ZFAND6: variants seen among roughly 807,000 people sequenced by gnomAD.
ZFAND6 encodes the protein zinc finger AN1-type containing 6, also known as AN1-type zinc finger protein 6.
A neutral mutation model predicts 24.5 loss-of-function variants in ZFAND6; 12 were observed. That is an observed-to-expected ratio of 0.49 (90% confidence interval 0.31 to 0.79). The LOEUF is 0.79. Among genes scored for constraint, ZFAND6 ranks in the 30% least tolerant of loss-of-function variants. The pLI is 0.04. For synonymous variants in ZFAND6, 92 were observed against 81.5 expected (o/e 1.13, Z -0.69); for missense variants, 207 against 245.9 (o/e 0.84, Z 1.06).
At chr15:80,080,722 C>T (rs1434090115) in intron 1 of ZFAND6, among the ~76,000 whole-genome samples, 1 of 152,192 alleles carries the variant, frequency 6.6e-6, no homozygotes, top group African/African-American at 2.4e-5. Context: ...GGAGACATGG[C>T]ACCAGAGATC....
intron 2 of ZFAND6, among the ~76,000 whole-genome samples, chr15:80,115,347 A>G (rs2039824335): frequency 1.3e-5 from 2 of 152,166 alleles, no homozygotes; most frequent in African/African-American, 4.8e-5. Context: ...TTATTATACC[A>G]TGCTAATCAT....
At chr15:80,079,065 A>G (rs1389101344) in intron 1 of ZFAND6, among the ~76,000 whole-genome samples, 10 of 140,042 alleles carry the variant, frequency 7.1e-5, no homozygotes. Flanking sequence ...CAGTCCCCAG[A>G]GTGTGTCTTC....
intron 5 of ZFAND6, among the ~76,000 whole-genome samples, chr15:80,126,458 A>G (rs1035529615): frequency 2.0e-5 from 3 of 152,214 alleles, no homozygotes; most frequent in South Asian, 4.1e-4. Flanking sequence ...AGTGGAATAA[A>G]AAATTGAGAG....
At chr15:80,137,458 A>C in intron 6 of ZFAND6, 22 bp from the exon 7 acceptor site, 3 of 1,591,216 alleles carry the variant, frequency 1.9e-6, no homozygotes, top group Non-Finnish European at 2.6e-6. Flanking sequence ...CAACTCATGT[A>C]TGTGTATTAC....
intron 5 of ZFAND6, 70 bp from the exon 6 acceptor site, chr15:80,131,110 G>A: frequency 1.7e-6 from 2 of 1,145,524 alleles, no homozygotes; most frequent in Non-Finnish European, 2.5e-6. Context: ...AATAGACTAG[G>A]GAGGGTGGGA....
intron 2 of ZFAND6, 137 bp from the exon 3 acceptor site, chr15:80,120,190 GC>G (rs2040084787): frequency 3.2e-6 from 2 of 634,054 alleles, no homozygotes; most frequent in Admixed American, 8.2e-5. Flanking sequence ...CTCCTTTTTA[GC>G]CCTATGTCTT....
At chr15:80,087,899 A>G (rs957956034) in intron 1 of ZFAND6, among the ~76,000 whole-genome samples, 12 of 152,164 alleles carry the variant, frequency 7.9e-5, no homozygotes, top group African/African-American at 2.9e-4. Context: ...CACATACTAT[A>G]TATGCATTGT....
At chr15:80,097,279 T>C (rs1034100843) in intron 1 of ZFAND6, among the ~76,000 whole-genome samples, 1 of 152,088 alleles carries the variant, frequency 6.6e-6, no homozygotes, top group African/African-American at 2.4e-5. Context: ...GGATTATAGG[T>C]GTGAGCCACT....
chr15:80,109,784 A>G (rs2039516384), intron 2 of ZFAND6, among the ~76,000 whole-genome samples: 1 of 152,246 alleles, frequency 6.6e-6, no homozygotes, highest in Non-Finnish European at 1.5e-5. Context: ...GGAGATATAT[A>G]TACCAGAAGC....
chr15:80,102,628 G>GAT (rs2039097194), intron 2 of ZFAND6, among the ~76,000 whole-genome samples: 1 of 152,190 alleles, frequency 6.6e-6, no homozygotes, highest in East Asian at 1.9e-4. Flanking sequence ...CATTAATTTA[G>GAT]AGTCTTTCAG....
chr15:80,099,338 G>A (rs976612937), intron 2 of ZFAND6, among the ~76,000 whole-genome samples: 1 of 152,034 alleles, frequency 6.6e-6, no homozygotes, highest in Non-Finnish European at 1.5e-5. Context: ...TCTCTCTTTA[G>A]AAGAATGCAT....
chr15:80,102,861 C>G (rs1046007176), intron 2 of ZFAND6, among the ~76,000 whole-genome samples: 1 of 152,050 alleles, frequency 6.6e-6, no homozygotes, highest in East Asian at 1.9e-4. Flanking sequence ...AGTCAGGGAC[C>G]AGAACACATG....
At chr15:80,095,827 C>T (rs2038688849) in intron 1 of ZFAND6, among the ~76,000 whole-genome samples, 1 of 152,070 alleles carries the variant, frequency 6.6e-6, no homozygotes, top group Admixed American at 6.5e-5. Flanking sequence ...TTTGTCTTTT[C>T]GATAGGTTAC....
At chr15:80,081,409 A>G (rs2037660694) in intron 1 of ZFAND6, among the ~76,000 whole-genome samples, 2 of 152,232 alleles carry the variant, frequency 1.3e-5, no homozygotes, top group African/African-American at 4.8e-5. Context: ...GACAAATTTA[A>G]TGGAATTTAA....
chr15:80,082,752 A>G (rs944959472), intron 1 of ZFAND6, among the ~76,000 whole-genome samples: 4 of 152,158 alleles, frequency 2.6e-5, no homozygotes, highest in Non-Finnish European at 5.9e-5. Flanking sequence ...TAAGGAGTTT[A>G]TTATGAGGAT....
intron 5 of ZFAND6, chr15:80,130,316 T>C (rs1258020465): frequency 6.6e-6 from 1 of 152,146 alleles, no homozygotes; most frequent in Non-Finnish European, 1.5e-5. Flanking sequence ...TGGAATAGAT[T>C]CTAAGAAGTG....
intron 1 of ZFAND6, among the ~76,000 whole-genome samples, chr15:80,097,574 G>A (rs1467096996): frequency 2.6e-5 from 4 of 152,038 alleles, no homozygotes. Context: ...TCTTGAACCT[G>A]GGAGGCAGAG....
At position 80,137,903 on chromosome 15, in the gene ZFAND6, A is replaced by G. The variant is rs999099807; in HGVS notation, c.*275A>G. ...GGGCTTTTATAACAAACGTGCAGAA[A>G]TTTTGGAGGGCTGTGATTTTTCCAG... On this transcript the variant is annotated 3_prime_UTR_variant, in exon 7 of 7. Coordinates refer to ENST00000261749, the MANE Select transcript of ZFAND6 (RefSeq NM_019006.4). The G allele has an allele frequency of 1.2e-5, 3 of 255,618 alleles. No homozygotes were observed. The highest frequency in any genetic ancestry group is 2.2e-5 in the Non-Finnish European group (3 of 136,208). The allele number at this position is 255,618 out of a possible 1,614,324, so 15.8% of individuals were successfully genotyped here. A position where few individuals can be genotyped will look rare whatever the true frequency, so the allele number is the denominator to read the frequency against.
In ZFAND6 at chr15:80,137,565, T is replaced by C. The variant is rs1264782025; in HGVS notation, c.564T>C (p.Asp188=). The change falls in exon 7 of 7, where the codon GAT becomes GAC. Residue 188 remains aspartate (D), a synonymous_variant. Transcript: ENST00000261749. Reference sequence around the variant, plus strand: ...ATTGCTCTTACAATTACAAAGCCGATGCTGCTGAGAAAATCAGAAAAGAAA... The same window carrying C: ...ATTGCTCTTACAATTACAAAGCCGACGCTGCTGAGAAAATCAGAAAAGAAA... ...VHNCSYNYKA[D]AAEKIRKENP... 1.2e-6 allele frequency: 2 copies of C among 1,605,840 alleles called. No individual in the cohort carries two copies. The highest frequency in any genetic ancestry group is 1.7e-6 in the Non-Finnish European group (2 of 1,177,232).
Sources: allele counts gnomAD v4.1 joint callset (sites outside exome capture counted in the v4.1 genomes callset), GRCh38; gene constraint gnomAD v4.1.1; transcripts MANE v1.5; gene names NCBI Gene and HGNC (gene_info 2026-07-23, HGNC 2026-07-21).